The following DPP4 variants were observed in gnomAD, a reference collection of about 807,000 sequenced individuals.
The protein encoded by DPP4 is ADCP-2.
Under a neutral mutation model 122.4 loss-of-function variants are expected in DPP4, and 93 were observed. The observed-to-expected ratio is 0.76, with a 90% CI of 0.64 to 0.90. DPP4 has a LOEUF of 0.90. Ranked by LOEUF, DPP4 falls within the 40% of genes least tolerant of loss-of-function variation. The pLI is 0.00. For missense variants in DPP4, 914 were observed against 907.3 expected, an observed-to-expected ratio of 1.01 and a Z score of -0.09; for synonymous variants, 321 against 302.9, an observed-to-expected ratio of 1.06 and a Z score of -0.62.
intron 10 of DPP4, among the ~76,000 whole-genome samples, chr2:162,028,461 A>G (rs916705785): frequency 3.3e-5 from 5 of 152,222 alleles, no homozygotes; most frequent in Non-Finnish European, 5.9e-5. Flanking sequence ...ATTATCATCT[A>G]TGCTTTGCAT....
chr2:162,023,076 C>T (rs1683193148), intron 11 of DPP4, among the ~76,000 whole-genome samples: 1 of 152,128 alleles, frequency 6.6e-6, no homozygotes. Context: ...TTCCTCTGTC[C>T]CACCAGCCTG....
chr2:162,024,786 A>G lies in DPP4; in HGVS notation c.1023+18T>C, dbSNP rs199751642. ...TCACATGTTGCTCTAGAAGCAGAAC[A>G]TCCCCATTCAGTCTCACCACTAAGC... On this transcript the variant is annotated intron_variant, in intron 11 of 25. Transcript: ENST00000360534. 2 of 1,612,050 alleles carry G rather than the reference A, an allele frequency of 1.2e-6. No individual in the cohort carries two copies. The highest frequency in any genetic ancestry group is 1.7e-5 in the Admixed American group (1 of 59,962).
rs1158857204 is a variant in DPP4 at position 162,016,809 on chromosome 2, A to T, written c.1526T>A (p.Met509Lys). The T allele has an allele frequency of 1.2e-6, 2 of 1,612,980 alleles. No homozygotes were observed. Among genetic ancestry groups the T allele is most frequent in the African/African-American group, 1.3e-5 (1 of 74,870 alleles). Residue 509 changes from methionine to lysine, a missense_variant, in exon 18 of 26, where the codon ATG becomes AAG. Physicochemically the swap from Met to Lys is moderately conservative, Grantham distance 95. Coordinates refer to ENST00000360534, the MANE Select transcript of DPP4 (RefSeq NM_001935.4). Reference protein sequence around the residue: ...ALDKMLQNVQMPSKKLDFIIL... With the variant: ...ALDKMLQNVQKPSKKLDFIIL... ...AATGAAGTCCAGTTTTTTGGAGGGC[A>T]TCTGGACATTCTGCAGCATTTTATC...
Position 162,025,706 on chromosome 2 carries a change from T to C in DPP4, c.888-767A>G, listed in dbSNP as rs554063099. 4.6e-5 allele frequency among the ~76,000 whole-genome samples: 7 copies of C among 152,332 alleles called. No individual in the cohort carries two copies. The South Asian group carries it at 6.2e-4, about 14-fold the overall frequency. ...CCTCACATTATTGGCAATGGATAGT[T>C]TATGCTTTTTCTCCCTCCTCCTCCC... is the stretch of plus-strand genomic sequence containing the variant. On this transcript the variant is annotated intron_variant, in intron 10 of 25. Coordinates refer to ENST00000360534, the MANE Select transcript of DPP4 (RefSeq NM_001935.4).
chr2:162,043,793 T>G (rs1684075862), intron 5 of DPP4, among the ~76,000 whole-genome samples: 1 of 152,072 alleles, frequency 6.6e-6, no homozygotes, highest in Non-Finnish European at 1.5e-5. Context: ...TTGGGGAAAC[T>G]GAGGTGGGAG....
At chr2:162,001,077 C>T (rs1231286777) in intron 23 of DPP4, among the ~76,000 whole-genome samples, 1 of 152,180 alleles carries the variant, frequency 6.6e-6, no homozygotes, top group Non-Finnish European at 1.5e-5. Flanking sequence ...TCCCCATCTT[C>T]CGAAATCTTT....
chr2:161,998,307 C>T (rs1230762721), intron 23 of DPP4, among the ~76,000 whole-genome samples: 2 of 152,208 alleles, frequency 1.3e-5, no homozygotes, highest in African/African-American at 2.4e-5. Context: ...TTGCCTGAAT[C>T]GCAGGCTGAG....
chr2:162,073,879 T>A, intron 1 of DPP4, 97 bp downstream of exon 1: 1 of 1,522,570 alleles, frequency 6.6e-7, no homozygotes. Context: ...CTAAGGGGAG[T>A]CCCTGGTCCG....
At chr2:162,008,752 T>C in intron 21 of DPP4, 91 bp from the exon 22 acceptor site, 1 of 1,118,734 alleles carries the variant, frequency 8.9e-7, no homozygotes, top group Non-Finnish European at 1.3e-6. Context: ...CACATCTTTA[T>C]ATACTGTGCC....
At chr2:162,051,247 A>G (rs1033240497) in intron 2 of DPP4, among the ~76,000 whole-genome samples, 2 of 152,230 alleles carry the variant, frequency 1.3e-5, no homozygotes, top group Admixed American at 1.3e-4. Flanking sequence ...TCCTTGCTGT[A>G]GTGTCAAAAT....
At chr2:161,995,633 G>A (rs1413567208) in intron 23 of DPP4, among the ~76,000 whole-genome samples, 1 of 152,166 alleles carries the variant, frequency 6.6e-6, no homozygotes, top group African/African-American at 2.4e-5. Flanking sequence ...CAGCCTGCAT[G>A]CAAAACCCCT....
At chr2:162,073,880 C>A in intron 1 of DPP4, 96 bp downstream of exon 1, 1 of 1,537,986 alleles carries the variant, frequency 6.5e-7, no homozygotes, top group Non-Finnish European at 8.8e-7. Flanking sequence ...TAAGGGGAGT[C>A]CCTGGTCCGG....
intron 16 of DPP4, among the ~76,000 whole-genome samples, chr2:162,018,250 G>A (rs1411371631): frequency 6.6e-6 from 1 of 152,232 alleles, no homozygotes; most frequent in Non-Finnish European, 1.5e-5. Context: ...GCAGAGGCCT[G>A]TTTTGAATCC....
Position 162,038,396 on chromosome 2 carries a change from A to C in DPP4, c.519T>G (p.Tyr173Ter), listed in dbSNP as rs200977621. The stretch of plus-strand genomic sequence containing the variant: ...TTGGTAAATTTGGTTCAATTTTAAC[A>C]TAAATGTCATTGTTCCAAACATATG... ...KLAYVWNNDI[Y>*]VKIEPNLPSY... The change falls in exon 8 of 26, where the codon TAT becomes TAG. Residue 173 changes from tyrosine (Y) to a stop codon, truncating the protein, a stop_gained. Coordinates refer to ENST00000360534, the MANE Select transcript of DPP4 (RefSeq NM_001935.4). LOFTEE classifies it high-confidence loss of function. The C allele has an allele frequency of 2.1e-5, 33 of 1,608,378 alleles. No homozygotes were observed. The highest frequency in any genetic ancestry group is 5.1e-5 in the Admixed American group (3 of 59,318).
chr2:162,067,487 T>A (rs796101634), intron 2 of DPP4, among the ~76,000 whole-genome samples: 50 of 152,292 alleles, frequency 3.3e-4, no homozygotes, highest in African/African-American at 1.1e-3. Context: ...TTACATTACC[T>A]CCTCTTCTAG....
chr2:162,072,751 C>T (rs1359403253), intron 2 of DPP4, among the ~76,000 whole-genome samples: 1 of 152,164 alleles, frequency 6.6e-6, no homozygotes, highest in Non-Finnish European at 1.5e-5. Flanking sequence ...CATGAAAGTC[C>T]TTAAATAAAA....
intron 10 of DPP4, among the ~76,000 whole-genome samples, chr2:162,031,322 C>G (rs745896675): frequency 1.1e-4 from 16 of 152,214 alleles, no homozygotes; most frequent in Non-Finnish European, 2.1e-4. Context: ...AGGACAAGGA[C>G]TAGACCTGCC....
intron 2 of DPP4, among the ~76,000 whole-genome samples, chr2:162,053,899 G>A (rs1684471488): frequency 6.6e-6 from 1 of 152,186 alleles, no homozygotes; most frequent in Non-Finnish European, 1.5e-5. Context: ...TGGAACTGCG[G>A]GGCAAGGCTA....
chr2:162,038,632 T>C (rs1314176779), intron 7 of DPP4, among the ~76,000 whole-genome samples: 1 of 152,148 alleles, frequency 6.6e-6, no homozygotes, highest in Non-Finnish European at 1.5e-5. Context: ...CCATTAATAA[T>C]GTGTTAAAAA....
Sources: allele counts gnomAD v4.1 joint callset (sites outside exome capture counted in the v4.1 genomes callset), GRCh38; gene constraint gnomAD v4.1.1; transcripts MANE v1.5; gene names NCBI Gene and HGNC (gene_info 2026-07-23, HGNC 2026-07-21).